PTPRD: variants seen among roughly 807,000 people sequenced by gnomAD.
PTPRD encodes the protein protein tyrosine phosphatase receptor type D.
Under a neutral mutation model 214.5 loss-of-function variants are expected in PTPRD, and 34 were observed. The observed-to-expected ratio is 0.16, with a 90% CI of 0.12 to 0.21. PTPRD has a LOEUF of 0.21. Ranked by LOEUF, PTPRD falls within the 10% of genes least tolerant of loss-of-function variation. The probability of loss-of-function intolerance (pLI) is 1.00; values close to 1 mark genes in which losing one functional copy is unlikely to be tolerated. For missense variants in PTPRD, 2,545 were observed against 2,398.7 expected, an observed-to-expected ratio of 1.06 and a Z score of -1.27; for synonymous variants, 1,128 against 845.7, an observed-to-expected ratio of 1.33 and a Z score of -5.79.
chr9:8,560,029 C>CA (rs1485864398), intron 14 of PTPRD, among the ~76,000 whole-genome samples: 2 of 152,104 alleles, frequency 1.3e-5, no homozygotes, highest in African/African-American at 2.4e-5. Flanking sequence ...AGTCTATATG[C>CA]AGTAAGCAAG....
intron 39 of PTPRD, among the ~76,000 whole-genome samples, chr9:8,373,822 A>G (rs375908897): frequency 0.078 from 8,443 of 108,912 alleles, 295 homozygotes; most frequent in Middle Eastern, 0.18. Context: ...GTATGTATGT[A>G]TGTATGTATG....
chr9:10,595,659 T>C (rs1022193343), intron 2 of PTPRD, among the ~76,000 whole-genome samples: 11 of 151,528 alleles, frequency 7.3e-5, no homozygotes, highest in African/African-American at 2.7e-4. Flanking sequence ...TTATTATATA[T>C]TTATAATAAA....
At chr9:9,532,787 A>G (rs986360769) in intron 8 of PTPRD, among the ~76,000 whole-genome samples, 8 of 152,074 alleles carry the variant, frequency 5.3e-5, no homozygotes, top group Admixed American at 5.2e-4. Context: ...ACACATTAGC[A>G]CCCTTGGAGC....
At chr9:9,859,292 A>G (rs747125273) in intron 5 of PTPRD, among the ~76,000 whole-genome samples, 50 of 152,184 alleles carry the variant, frequency 3.3e-4, no homozygotes, top group Non-Finnish European at 5.6e-4. Context: ...TCTTTATAGT[A>G]GTGTGAAAAC....
intron 3 of PTPRD, among the ~76,000 whole-genome samples, chr9:10,050,885 T>G (rs1398990926): frequency 1.3e-5 from 2 of 152,064 alleles, no homozygotes; most frequent in Non-Finnish European, 2.9e-5. Flanking sequence ...TATTAGAAAA[T>G]TACATAAAAT....
intron 3 of PTPRD, among the ~76,000 whole-genome samples, chr9:10,158,572 G>T (rs1427299650): frequency 6.6e-6 from 1 of 152,114 alleles, no homozygotes; most frequent in Non-Finnish European, 1.5e-5. Context: ...TAATGCTGTG[G>T]TTATTACCAT....
At chr9:9,895,696 A>G (rs1183201854) in intron 5 of PTPRD, among the ~76,000 whole-genome samples, 1 of 152,062 alleles carries the variant, frequency 6.6e-6, no homozygotes, top group African/African-American at 2.4e-5. Flanking sequence ...ATAGTCAACA[A>G]TATATTCTTG....
At chr9:8,527,435 G>A in intron 15 of PTPRD, 82 bp from the exon 16 acceptor site, 1 of 1,322,916 alleles carries the variant, frequency 7.6e-7, no homozygotes, top group Non-Finnish European at 1.1e-6. Flanking sequence ...ATTTTTCAGA[G>A]TTAAAGCTTT....
chr9:10,248,521 A>AC (rs2092434258), intron 3 of PTPRD, among the ~76,000 whole-genome samples: 1 of 140,796 alleles, frequency 7.1e-6, no homozygotes, highest in Non-Finnish European at 1.6e-5. Flanking sequence ...CAAAAAAAAA[A>AC]AAAAATAAAA....
chr9:9,318,126 G>A (rs1050476392), intron 9 of PTPRD, among the ~76,000 whole-genome samples: 6 of 151,570 alleles, frequency 4.0e-5, no homozygotes, highest in Non-Finnish European at 7.4e-5. Context: ...AGCCGAGATC[G>A]TGCCATTGCA....
chr9:9,018,016 A>G (rs1326523824), intron 11 of PTPRD, among the ~76,000 whole-genome samples: 2 of 151,898 alleles, frequency 1.3e-5, no homozygotes, highest in African/African-American at 4.8e-5. Flanking sequence ...TATGTAATCT[A>G]TTTGTTTACT....
intron 14 of PTPRD, among the ~76,000 whole-genome samples, chr9:8,560,073 CA>C (rs2085558961): frequency 6.6e-6 from 1 of 152,034 alleles, no homozygotes; most frequent in African/African-American, 2.4e-5. Flanking sequence ...GAAGTAAATC[CA>C]AAACTGATTT....
At chr9:9,917,407 A>G (rs954899222) in intron 5 of PTPRD, among the ~76,000 whole-genome samples, 1 of 148,370 alleles carries the variant, frequency 6.7e-6, no homozygotes, top group African/African-American at 2.5e-5. Flanking sequence ...AGAGACCACC[A>G]TGAACAACTA....
At chr9:9,337,614 A>T (rs1380244674) in intron 9 of PTPRD, among the ~76,000 whole-genome samples, 1 of 152,198 alleles carries the variant, frequency 6.6e-6, no homozygotes, top group Non-Finnish European at 1.5e-5. Flanking sequence ...CAACCTGACA[A>T]ATCGCATACG....
chr9:10,035,139 C>G (rs1212038912), intron 3 of PTPRD, among the ~76,000 whole-genome samples: 1 of 152,020 alleles, frequency 6.6e-6, no homozygotes, highest in African/African-American at 2.4e-5. Flanking sequence ...TTAATAATAG[C>G]CATTTTGACT....
At chr9:8,939,807 T>C (rs1483338924) in intron 11 of PTPRD, among the ~76,000 whole-genome samples, 1 of 152,194 alleles carries the variant, frequency 6.6e-6, no homozygotes, top group Non-Finnish European at 1.5e-5. Context: ...CTGATGATAA[T>C]ACAGACATGG....
intron 9 of PTPRD, among the ~76,000 whole-genome samples, chr9:9,247,582 A>G (rs1022720925): frequency 9.2e-5 from 14 of 151,986 alleles, no homozygotes; most frequent in Admixed American, 7.2e-4. Context: ...CTTTTCTTCT[A>G]TATAGCCACT....
intron 4 of PTPRD, among the ~76,000 whole-genome samples, chr9:9,971,116 T>A (rs2095073395): frequency 1.3e-5 from 2 of 152,092 alleles, no homozygotes; most frequent in Admixed American, 1.3e-4. Flanking sequence ...TTTTATAAAT[T>A]CAGTATTCAA....
chr9:10,491,538 A>G (rs2040239589), intron 2 of PTPRD, among the ~76,000 whole-genome samples: 1 of 152,096 alleles, frequency 6.6e-6, no homozygotes, highest in Non-Finnish European at 1.5e-5. Context: ...ATGAACAAAA[A>G]AAACCCATTG....
Sources: allele counts gnomAD v4.1 joint callset (sites outside exome capture counted in the v4.1 genomes callset), GRCh38; gene constraint gnomAD v4.1.1; transcripts MANE v1.5; gene names NCBI Gene and HGNC (gene_info 2026-07-23, HGNC 2026-07-21).